VPS13B: variants seen among roughly 807,000 people sequenced by gnomAD.
VPS13B encodes vacuolar protein sorting 13 homolog B, also known as intermembrane lipid transfer protein VPS13B.
In VPS13B, 285 loss-of-function variants were observed where a neutral mutation model predicts 426.4. The observed-to-expected ratio is 0.67, with a 90% CI of 0.61 to 0.74. The LOEUF (loss-of-function observed/expected upper bound fraction) is 0.74, where lower values mean the gene tolerates loss of function less well. Ranked by LOEUF, VPS13B falls within the 30% of genes least tolerant of loss-of-function variation. The pLI is 0.00. For missense variants in VPS13B, 4,537 were observed against 4,782.6 expected (o/e 0.95, Z 1.51); for synonymous variants, 1,676 against 1,676.4 (o/e 1.00, Z 0.01).
intron 9 of VPS13B, 66 bp from the exon 10 acceptor site, chr8:99,134,948 CA>C: frequency 6.3e-7 from 1 of 1,583,352 alleles, no homozygotes; most frequent in Non-Finnish European, 8.7e-7. Flanking sequence ...AGAGATTCTA[CA>C]AGGAAAGCCT....
At chr8:99,483,666 A>G (rs1218038478) in intron 25 of VPS13B, among the ~76,000 whole-genome samples, 2 of 152,184 alleles carry the variant, frequency 1.3e-5, no homozygotes, top group African/African-American at 4.8e-5. Flanking sequence ...AGAGTGTTCC[A>G]TTAAACAGTT....
At chr8:99,035,706 A>T (rs1370226627) in intron 2 of VPS13B, among the ~76,000 whole-genome samples, 1 of 152,100 alleles carries the variant, frequency 6.6e-6, no homozygotes. Context: ...GGGTTTCTGG[A>T]TCATTGTAAT....
chr8:99,316,513 G>C (rs896177831), intron 19 of VPS13B, among the ~76,000 whole-genome samples: 1 of 152,218 alleles, frequency 6.6e-6, no homozygotes, highest in Admixed American at 6.5e-5. Context: ...TTAGTTTCAG[G>C]GGCCTGTGAG....
intron 43 of VPS13B, among the ~76,000 whole-genome samples, chr8:99,805,823 C>A (rs536240023): frequency 1.3e-5 from 2 of 152,222 alleles, no homozygotes; most frequent in South Asian, 2.1e-4. Flanking sequence ...CTTTTCCCCC[C>A]ACCGTGGAAA....
chr8:99,300,615 A>G (rs1820307553), intron 19 of VPS13B, among the ~76,000 whole-genome samples: 1 of 152,140 alleles, frequency 6.6e-6, no homozygotes, highest in African/African-American at 2.4e-5. Context: ...CAGCCTAGGT[A>G]TCATTTTTGA....
At chr8:99,539,070 C>T (rs1005261969) in intron 30 of VPS13B, among the ~76,000 whole-genome samples, 1 of 152,016 alleles carries the variant, frequency 6.6e-6, no homozygotes, top group African/African-American at 2.4e-5. Context: ...AAGCTATTGT[C>T]GTCATAGCTT....
chr8:99,646,111 G>A lies in VPS13B; in HGVS notation c.5908+3613G>A, dbSNP rs867758593. 4.6e-5 allele frequency among the ~76,000 whole-genome samples: 7 copies of A among 152,262 alleles called. 1 individual carries two copies. The highest frequency in any genetic ancestry group is 5.9e-5 in the Non-Finnish European group (4 of 68,016). On this transcript the variant is annotated intron_variant, in intron 34 of 61. Coordinates refer to ENST00000357162, the MANE Select transcript of VPS13B (RefSeq NM_152564.5). ...GGACTAAAAGAGATATTACCATGAAGCTAATGTTCTAAGAAAGGTCCAGGA... is the reference window on the plus strand; with the variant it reads ...GGACTAAAAGAGATATTACCATGAAACTAATGTTCTAAGAAAGGTCCAGGA...
chr8:99,135,827 T>G, intron 11 of VPS13B, 94 bp downstream of exon 11: 3 of 1,527,282 alleles, frequency 2.0e-6, no homozygotes, highest in Non-Finnish European at 2.7e-6. Flanking sequence ...TTTCAAATAA[T>G]GCCTTCTGAA....
In VPS13B at chr8:99,665,750, C is replaced by T. The variant is rs560708297; in HGVS notation, c.6046+4259C>T. Among the ~76,000 whole-genome samples, 39 of 152,204 alleles carry T rather than the reference C, an allele frequency of 2.6e-4. No individual in the cohort carries two copies. The South Asian group carries it at 3.5e-3, about 14-fold the overall frequency. On this transcript the variant is annotated intron_variant, in intron 35 of 61. Transcript: ENST00000357162. ...TGTAGTATAGTTTGAAGTCAGGTAGCGTGATGCCTCCAGCTTCGTTCTTTT... is the reference window on the plus strand; with the variant it reads ...TGTAGTATAGTTTGAAGTCAGGTAGTGTGATGCCTCCAGCTTCGTTCTTTT...
At chr8:99,495,051 G>T (rs1820813716) in intron 25 of VPS13B, among the ~76,000 whole-genome samples, 1 of 151,702 alleles carries the variant, frequency 6.6e-6, no homozygotes, top group Admixed American at 6.6e-5. Context: ...TGATTATATT[G>T]TTTCAGTGCC....
rs1359241783 is a variant in VPS13B at position 99,806,894 on chromosome 8, T to C, written c.7942-2481T>C. On this transcript the variant is annotated intron_variant, in intron 43 of 61. Coordinates refer to ENST00000357162, the MANE Select transcript of VPS13B (RefSeq NM_152564.5). Reference sequence around the variant, plus strand: ...AGTGCTCAAATCCAGTGCCGCGGGTTCCCAGGCAGGGGTGATTACACCATG... The same window carrying C: ...AGTGCTCAAATCCAGTGCCGCGGGTCCCCAGGCAGGGGTGATTACACCATG... 7.2e-5 allele frequency among the ~76,000 whole-genome samples: 11 copies of C among 152,282 alleles called. No individual in the cohort carries two copies. In the East Asian group the frequency reaches 2.1e-3, roughly 29 times the overall value.
intron 19 of VPS13B, among the ~76,000 whole-genome samples, chr8:99,318,722 C>T (rs991629576): frequency 3.1e-4 from 47 of 152,052 alleles, no homozygotes; most frequent in African/African-American, 1.1e-3. Context: ...GGGGTTTCAC[C>T]ATGATGGCCA....
chr8:99,788,383 T>TAA lies in VPS13B; in HGVS notation c.7941+3926_7941+3927dup, dbSNP rs5893498. Among the ~76,000 whole-genome samples, 139 of 102,888 alleles carry TAA rather than the reference T, an allele frequency of 1.4e-3. 1 individual carries two copies. The highest frequency in any genetic ancestry group is 3.5e-3 in the African/African-American group (99 of 28,040). 67.5% of individuals were successfully genotyped at this position (102,888 alleles called of 152,430 possible). A position where few individuals can be genotyped will look rare whatever the true frequency, so the allele number is the denominator to read the frequency against. Reference sequence around the variant, plus strand: ...TGGGCAATATAATGAGACCCCATCTTAAAAAAAAAAAAAAAAAAAAGCAAA... The same window carrying TAA: ...TGGGCAATATAATGAGACCCCATCTTAAAAAAAAAAAAAAAAAAAAAAGCAAA... On this transcript the variant is annotated intron_variant, in intron 43 of 61. Transcript: ENST00000357162.
chr8:99,133,405 C>G (rs1809907561), intron 8 of VPS13B, among the ~76,000 whole-genome samples: 1 of 152,172 alleles, frequency 6.6e-6, no homozygotes, highest in Non-Finnish European at 1.5e-5. Flanking sequence ...CCAGACCACT[C>G]AAAATTCCTC....
chr8:99,696,839 C>G, intron 35 of VPS13B: 1 of 1,079,664 alleles, frequency 9.3e-7, no homozygotes, highest in Non-Finnish European at 1.4e-6. Flanking sequence ...GCTGGTGGCG[C>G]CGTGCAAGCT....
rs142722370 is a variant in VPS13B, at chr8:99,339,871, G to C, written c.2825-44337G>C. On this transcript the variant is annotated intron_variant, in intron 19 of 61. Transcript: ENST00000357162. The stretch of plus-strand genomic sequence containing the variant: ...TTCCAAATATAAACTAAAATTTGTT[G>C]GACAGAGTTGCTCAGTCTCATCAAT... 4.4e-4 allele frequency among the ~76,000 whole-genome samples: 67 copies of C among 152,072 alleles called. 1 individual carries two copies. The highest frequency in any genetic ancestry group is 1.5e-3 in the African/African-American group (63 of 41,490).
intron 15 of VPS13B, among the ~76,000 whole-genome samples, chr8:99,163,984 C>G (rs1811843794): frequency 6.6e-6 from 1 of 152,202 alleles, no homozygotes; most frequent in Non-Finnish European, 1.5e-5. Context: ...AAACAGGACA[C>G]CCCAATTGCT....
intron 19 of VPS13B, chr8:99,341,735 G>A (rs1353059329): frequency 2.6e-6 from 1 of 391,694 alleles, no homozygotes; most frequent in South Asian, 2.4e-5. Flanking sequence ...TGCCTTTTTT[G>A]TCTTTCCCAC....
chr8:99,579,105 T>C (rs1279453353), intron 33 of VPS13B, among the ~76,000 whole-genome samples: 1 of 152,238 alleles, frequency 6.6e-6, no homozygotes, highest in Non-Finnish European at 1.5e-5. Context: ...TTTTATGTTA[T>C]GTATATATAT....
Sources: gnomAD v4.1 joint callset for allele counts (sites outside exome capture counted in the v4.1 genomes callset) on GRCh38, gnomAD v4.1.1 for gene constraint, MANE v1.5 for transcripts, NCBI Gene and HGNC (gene_info 2026-07-23, HGNC 2026-07-21) for gene names.